Variants in BPIFB3 observed in about 807,000 individuals in gnomAD.
BPIFB3 encodes the protein BPI fold-containing family B member 3.
A neutral mutation model predicts 53.1 loss-of-function variants in BPIFB3; 49 were observed. The ratio of observed to expected loss-of-function variants is 0.92; its 90% CI spans 0.73 to 1.17. BPIFB3 has a LOEUF of 1.17. Ranked by LOEUF, BPIFB3 falls within the 50% of genes most tolerant of loss-of-function variation. The pLI, the probability that BPIFB3 is intolerant of heterozygous loss-of-function variation, is 0.00. For missense variants in BPIFB3, 628 were observed against 592.5 expected (o/e 1.06, Z -0.62); for synonymous variants, 271 against 269.6 (o/e 1.01, Z -0.05).
intron 2 of BPIFB3, among the ~76,000 whole-genome samples, chr20:33,058,200 G>A (rs1198170584): frequency 1.3e-5 from 2 of 152,242 alleles, no homozygotes; most frequent in South Asian, 2.1e-4. Flanking sequence ...ATGGAGAAGA[G>A]TCACTGGACA....
chr20:33,063,568 C>T (rs779842268), intron 5 of BPIFB3, 47 bp from the exon 7 acceptor site: 23 of 1,596,642 alleles, frequency 1.4e-5, no homozygotes, highest in Non-Finnish European at 1.7e-5. Flanking sequence ...CAGCTGTCCT[C>T]GCAGTGAGCT....
intron 2 of BPIFB3, among the ~76,000 whole-genome samples, chr20:33,057,163 G>A (rs1354133073): frequency 6.6e-6 from 1 of 152,088 alleles, no homozygotes; most frequent in East Asian, 1.9e-4. Flanking sequence ...TCATAAATAG[G>A]GACACAGTGT....
exon 2 of BPIFB3, chr20:33,056,590 G>T: frequency 1.2e-6 from 2 of 1,614,038 alleles, no homozygotes; most frequent in Non-Finnish European, 1.7e-6. Flanking sequence ...AATGTGCTGG[G>T]ATCGGTCACA....
At chr20:33,067,947 G>T (rs1980732904) in intron 9 of BPIFB3, among the ~76,000 whole-genome samples, 1 of 152,200 alleles carries the variant, frequency 6.6e-6, no homozygotes, top group African/African-American at 2.4e-5. Flanking sequence ...GCAGGCAAGG[G>T]ACATACTTAT....
At chr20:33,069,449 C>T (rs1000021762) in intron 10 of BPIFB3, among the ~76,000 whole-genome samples, 9 of 152,180 alleles carry the variant, frequency 5.9e-5, no homozygotes, top group African/African-American at 1.7e-4. Flanking sequence ...TTGCCTTGCC[C>T]GTCCTTGTCC....
intron 2 of BPIFB3, among the ~76,000 whole-genome samples, chr20:33,057,291 C>T (rs192546973): frequency 4.9e-4 from 74 of 152,170 alleles, no homozygotes; most frequent in African/African-American, 1.5e-3. Context: ...CGGGTTCAAG[C>T]GATTCTCCTG....
chr20:33,054,028 C>T (rs1282477709), upstream of BPIFB3, among the ~76,000 whole-genome samples: 4 of 152,170 alleles, frequency 2.6e-5, no homozygotes, highest in African/African-American at 9.7e-5. Context: ...CCACTGCCTT[C>T]TGCCCTCCCA....
rs113407329 is a variant in BPIFB3, at chr20:33,057,806, C to CT, written c.281+1119dup. On this transcript the variant is annotated intron_variant, in intron 2 of 14. Transcript: ENST00000375494. ...CTAAACATAGGATTGCAGAACACAG[C>CT]TTTTTTTTTTTCATTCAAAAAAAAA... Among the ~76,000 whole-genome samples the CT allele has an allele frequency of 1.0e-3, 146 of 141,834 alleles. 2 individuals carry two copies. In the East Asian group the frequency reaches 0.015, roughly 14 times the overall value. 93.0% of individuals were successfully genotyped at this position (141,834 alleles called of 152,430 possible).
chr20:33,059,817 A>C, intron 3 of BPIFB3, 74 bp from the exon 5 acceptor site: 1 of 1,559,568 alleles, frequency 6.4e-7, no homozygotes, highest in Non-Finnish European at 8.7e-7. Flanking sequence ...GGCCACTGGC[A>C]GGGCCACCCT....
chr20:33,061,980 G>A (rs538732019), intron 5 of BPIFB3, 149 bp downstream of exon 6: 9 of 891,660 alleles, frequency 1.0e-5, no homozygotes, highest in Admixed American at 7.0e-5. Flanking sequence ...CCTGCTGACC[G>A]GCCTTCCTGG....
chr20:33,064,829 A>G, exon 8 of BPIFB3: 1 of 1,613,014 alleles, frequency 6.2e-7, no homozygotes, highest in East Asian at 2.2e-5. Context: ...CTCGACATGG[A>G]CATCACCCCT....
rs1980822681 is a variant in BPIFB3, at chr20:33,070,072, G to A, written c.1217+117G>A. ...CAGCGCAATTCCAGGTGTTTTTCCAGCATCCTCCTTGCCTTCAGGACCCGC... is the reference window on the plus strand; with the variant it reads ...CAGCGCAATTCCAGGTGTTTTTCCAACATCCTCCTTGCCTTCAGGACCCGC... On this transcript the variant is annotated intron_variant, in intron 11 of 14. Transcript: ENST00000375494. The A allele has an allele frequency of 3.3e-6, 4 of 1,225,116 alleles. No homozygotes were observed. In the South Asian group the frequency reaches 3.7e-5, roughly 11 times the overall value. The allele number at this position is 1,225,116 out of a possible 1,614,324, so 75.9% of individuals were successfully genotyped here. A position where few individuals can be genotyped will look rare whatever the true frequency, so the allele number is the denominator to read the frequency against.
At chr20:33,060,767 G>T (rs1013575341) in intron 4 of BPIFB3, among the ~76,000 whole-genome samples, 1 of 152,134 alleles carries the variant, frequency 6.6e-6, no homozygotes. Context: ...GTTTCACCAT[G>T]TTGGCCAGGC....
intron 1 of BPIFB3, among the ~76,000 whole-genome samples, chr20:33,056,132 C>A (rs543939933): frequency 2.0e-5 from 3 of 152,290 alleles, no homozygotes; most frequent in East Asian, 3.9e-4. Flanking sequence ...ACAAGCTCCC[C>A]CTTCTTTGCC....
At position 33,061,673 on chromosome 20, in the gene BPIFB3, G is replaced by A. The variant is rs982912974; in HGVS notation, c.528-95G>A. On this transcript the variant is annotated intron_variant, in intron 4 of 14. Transcript: ENST00000375494. ...ACACCACCCCCAAGAGAAGGGAGAGGAGAAATCCAGAGCCCCTAGTGTCCG... is the reference window on the plus strand; with the variant it reads ...ACACCACCCCCAAGAGAAGGGAGAGAAGAAATCCAGAGCCCCTAGTGTCCG... 4 of 1,226,724 alleles carry A rather than the reference G, an allele frequency of 3.3e-6. No homozygotes were observed. In the African/African-American group the frequency reaches 6.0e-5, roughly 18 times the overall value. The allele number at this position is 1,226,724 out of a possible 1,614,324, so 76.0% of individuals were successfully genotyped here.
chr20:33,072,654 G>T (rs1980953572), intron 13 of BPIFB3, 63 bp from the exon 15 acceptor site: 1 of 1,412,562 alleles, frequency 7.1e-7, no homozygotes, highest in South Asian at 1.2e-5. Flanking sequence ...GGGTCCGAGG[G>T]TTCCTAGGGT....
At position 33,071,147 on chromosome 20, in the gene BPIFB3, G is replaced by C. The variant is rs941911222; in HGVS notation, c.1218-106G>C. The C allele has an allele frequency of 1.7e-5, 19 of 1,111,844 alleles. No homozygotes were observed. In the African/African-American group the frequency reaches 2.0e-4, roughly 11 times the overall value. The allele number at this position is 1,111,844 out of a possible 1,614,324, so 68.9% of individuals were successfully genotyped here. A position where few individuals can be genotyped will look rare whatever the true frequency, so the allele number is the denominator to read the frequency against. On this transcript the variant is annotated intron_variant, in intron 11 of 14. Coordinates refer to ENST00000375494, the Ensembl canonical transcript of BPIFB3. ...CTGGATAGAGGCAGAGTGTTGGGCT[G>C]GTAATCCTGTTTCCTGATGATGAGA...
intron 2 of BPIFB3, among the ~76,000 whole-genome samples, 177 bp from the exon 4 acceptor site, chr20:33,059,201 C>A (rs375347068): frequency 8.1e-4 from 123 of 152,180 alleles, no homozygotes; most frequent in African/African-American, 2.9e-3. Context: ...GAACTAGTAT[C>A]GCCCCACTTT....
At chr20:33,064,776 C>T in exon 8 of BPIFB3, 2 of 1,614,124 alleles carry the variant, frequency 1.2e-6, no homozygotes, top group Non-Finnish European at 1.7e-6. Flanking sequence ...TGCCACTGTA[C>T]CTCTTCAACA....
Sources: gnomAD v4.1 joint callset for allele counts (sites outside exome capture counted in the v4.1 genomes callset) on GRCh38, gnomAD v4.1.1 for gene constraint, MANE v1.5 for transcripts, NCBI Gene and HGNC (gene_info 2026-07-23, HGNC 2026-07-21) for gene names.